The following SLC35F3 variants were observed in gnomAD, a reference collection of about 807,000 sequenced individuals.
SLC35F3 encodes solute carrier family 35 member F3, also known as putative thiamine transporter SLC35F3.
Under a neutral mutation model 49.9 loss-of-function variants are expected in SLC35F3, and 25 were observed. The observed-to-expected ratio is 0.50, with a 90% CI of 0.37 to 0.70. The LOEUF is 0.70. SLC35F3 is among the 30% of genes least tolerant of loss of function. The pLI, the probability that SLC35F3 is intolerant of heterozygous loss-of-function variation, is 0.00. For synonymous variants in SLC35F3, 275 were observed against 265.4 expected (o/e 1.04, Z -0.35); for missense variants, 525 against 639.8 (o/e 0.82, Z 1.94).
intron 3 of SLC35F3, among the ~76,000 whole-genome samples, chr1:234,283,310 T>C (rs1668359183): frequency 6.6e-6 from 1 of 152,224 alleles, no homozygotes. Context: ...TTAACTACCT[T>C]TCCTTCTTAT....
intron 2 of SLC35F3, among the ~76,000 whole-genome samples, chr1:234,087,267 C>A (rs951246406): frequency 2.0e-5 from 3 of 152,200 alleles, no homozygotes; most frequent in African/African-American, 7.2e-5. Flanking sequence ...CTTCATAAGT[C>A]TTTCATGCCA....
intron 3 of SLC35F3, chr1:234,261,628 TG>T (rs1667907126): frequency 6.6e-6 from 1 of 152,260 alleles, no homozygotes; most frequent in Non-Finnish European, 1.5e-5. Flanking sequence ...CTTTGTGACC[TG>T]TATCTTGTGC....
chr1:234,149,953 G>C (rs1572070608), intron 2 of SLC35F3, among the ~76,000 whole-genome samples: 1 of 152,150 alleles, frequency 6.6e-6, no homozygotes, highest in African/African-American at 2.4e-5. Context: ...ATGTGCTACA[G>C]GATGCATTTT....
intron 2 of SLC35F3, among the ~76,000 whole-genome samples, chr1:234,088,674 G>A (rs193153765): frequency 5.4e-4 from 82 of 152,312 alleles, no homozygotes; most frequent in African/African-American, 2.0e-3. Flanking sequence ...TATTTTGTAT[G>A]TTGTGGGGGC....
intron 2 of SLC35F3, among the ~76,000 whole-genome samples, chr1:234,118,841 C>T (rs1665531072): frequency 6.6e-6 from 1 of 151,700 alleles, no homozygotes; most frequent in Admixed American, 6.6e-5. Flanking sequence ...TTTGCTTCTC[C>T]TTTAGTGACA....
chr1:234,269,360 TAGAAC>T (rs1668062205), intron 3 of SLC35F3, among the ~76,000 whole-genome samples: 1 of 152,094 alleles, frequency 6.6e-6, no homozygotes, highest in Non-Finnish European at 1.5e-5. Context: ...GTAACCAGAA[TAGAAC>T]AGAATAGATC....
chr1:234,100,763 C>A (rs1424679725), intron 2 of SLC35F3, among the ~76,000 whole-genome samples: 1 of 152,150 alleles, frequency 6.6e-6, no homozygotes, highest in Non-Finnish European at 1.5e-5. Flanking sequence ...CATGGCCTCC[C>A]CATGGAGCAA....
At chr1:233,968,725 T>G (rs1384641519) in intron 2 of SLC35F3, among the ~76,000 whole-genome samples, 1 of 152,136 alleles carries the variant, frequency 6.6e-6, no homozygotes, top group Non-Finnish European at 1.5e-5. Flanking sequence ...CCTCAAGTGA[T>G]CCACCCATCT....
intron 3 of SLC35F3, among the ~76,000 whole-genome samples, chr1:234,236,928 TATATATATATATATATATATATA>T: frequency 5.5e-5 from 1 of 18,340 alleles, no homozygotes; most frequent in African/African-American, 3.1e-4. Context: ...AAAAAAATTA[TATATATATATATATATATATATA>T]TATATATATA....
intron 3 of SLC35F3, among the ~76,000 whole-genome samples, chr1:234,264,605 G>A (rs929657839): frequency 3.3e-5 from 5 of 152,170 alleles, no homozygotes; most frequent in African/African-American, 9.7e-5. Context: ...GGAGTGGAGT[G>A]GCATGATCAT....
chr1:234,244,464 C>T (rs772682356), intron 3 of SLC35F3, among the ~76,000 whole-genome samples: 2 of 152,062 alleles, frequency 1.3e-5, no homozygotes, highest in South Asian at 2.1e-4. Flanking sequence ...GATCAGCTCT[C>T]GGCAGGCAGT....
At chr1:234,014,889 T>C (rs1663778836) in intron 2 of SLC35F3, among the ~76,000 whole-genome samples, 1 of 152,196 alleles carries the variant, frequency 6.6e-6, no homozygotes, top group Non-Finnish European at 1.5e-5. Context: ...ATTGTTAAAA[T>C]ATCCATACTA....
intron 2 of SLC35F3, among the ~76,000 whole-genome samples, chr1:234,217,741 A>T (rs1667144146): frequency 6.6e-6 from 1 of 151,786 alleles, no homozygotes; most frequent in South Asian, 2.1e-4. Flanking sequence ...CCTCAGAAAG[A>T]TCTCTGAGGA....
At chr1:234,268,009 G>A (rs866101185) in intron 3 of SLC35F3, among the ~76,000 whole-genome samples, 4 of 151,158 alleles carry the variant, frequency 2.6e-5, no homozygotes, top group Middle Eastern at 3.4e-3. Flanking sequence ...CATCCCAGAC[G>A]ATGGGCGGCC....
chr1:234,151,169 G>C (rs947441649), intron 2 of SLC35F3, among the ~76,000 whole-genome samples: 1 of 151,644 alleles, frequency 6.6e-6, no homozygotes, highest in South Asian at 2.1e-4. Context: ...AAACAGAAAG[G>C]AAGAAAAAAT....
intron 2 of SLC35F3, among the ~76,000 whole-genome samples, chr1:233,965,030 A>G (rs1341921971): frequency 6.6e-6 from 1 of 152,160 alleles, no homozygotes; most frequent in Non-Finnish European, 1.5e-5. Flanking sequence ...TTGGACTCAG[A>G]ACATTAGGGG....
At chr1:234,241,815 C>T (rs1471776624) in intron 3 of SLC35F3, among the ~76,000 whole-genome samples, 1 of 151,900 alleles carries the variant, frequency 6.6e-6, no homozygotes, top group Admixed American at 6.5e-5. Context: ...CAAATCAGCT[C>T]GCCTGGAACA....
intron 2 of SLC35F3, among the ~76,000 whole-genome samples, chr1:234,229,609 G>A (rs1667336539): frequency 2.6e-5 from 4 of 152,178 alleles, no homozygotes; most frequent in Admixed American, 2.6e-4. Flanking sequence ...TCTTTCACTG[G>A]AAGTTATTAC....
rs550814634 is a variant in SLC35F3, at chr1:234,287,266, C to A, written c.609-21835C>A. Among the ~76,000 whole-genome samples, 6 of 152,206 alleles carry A rather than the reference C, an allele frequency of 3.9e-5. No homozygotes were observed. The South Asian group carries it at 1.2e-3, about 32-fold the overall frequency. On this transcript the variant is annotated intron_variant, in intron 3 of 7. Coordinates refer to ENST00000366618, the MANE Select transcript of SLC35F3 (RefSeq NM_173508.4). The stretch of plus-strand genomic sequence containing the variant: ...TACAGCAGCCAGACACTGCATTTTG[C>A]CACATACACTCTCATTTTACCTTCA...
Sources: allele counts gnomAD v4.1 joint callset (sites outside exome capture counted in the v4.1 genomes callset), GRCh38; gene constraint gnomAD v4.1.1; transcripts MANE v1.5; gene names NCBI Gene and HGNC (gene_info 2026-07-23, HGNC 2026-07-21).